Variants in POLN observed in about 807,000 individuals in gnomAD.
The protein encoded by POLN is DNA polymerase nu, also known as DNA polymerase N.
In POLN, 108 loss-of-function variants were observed where a neutral mutation model predicts 113.5. The observed-to-expected ratio is 0.95, with a 90% CI of 0.81 to 1.12. The LOEUF (loss-of-function observed/expected upper bound fraction) is 1.12. Ranked by LOEUF, POLN falls within the 50% of genes most tolerant of loss-of-function variation. The probability of loss-of-function intolerance (pLI) is 0.00; values close to 1 mark genes in which losing one functional copy is unlikely to be tolerated. For missense variants in POLN, 1,097 were observed against 1,077.1 expected (o/e 1.02, Z -0.26); for synonymous variants, 386 against 391.5 (o/e 0.99, Z 0.17).
chr4:2,124,155 C>G (rs1172348348), intron 19 of POLN, among the ~76,000 whole-genome samples: 2 of 152,046 alleles, frequency 1.3e-5, no homozygotes. Flanking sequence ...AATCTAGAGA[C>G]AGAAAGTAGA....
intron 16 of POLN, among the ~76,000 whole-genome samples, chr4:2,156,052 C>T (rs1732415251): frequency 6.6e-6 from 1 of 152,120 alleles, no homozygotes; most frequent in African/African-American, 2.4e-5. Context: ...CCAGGCTGGT[C>T]TTGAACTCCT....
At chr4:2,239,024 A>C (rs1251684109) in intron 2 of POLN, 5 of 1,534,006 alleles carry the variant, frequency 3.3e-6, no homozygotes, top group Non-Finnish European at 4.4e-6. Flanking sequence ...TTTAGCATCC[A>C]AATTTTCTTT....
At chr4:2,237,574 G>A (rs28385555) in intron 2 of POLN, among the ~76,000 whole-genome samples, 23,639 of 152,026 alleles carry the variant, frequency 0.16, 3,022 homozygotes, top group East Asian at 0.35. Flanking sequence ...AATTTGAAAC[G>A]GAAGACCTAG....
At chr4:2,156,964 A>C (rs1732450626) in intron 15 of POLN, 111 bp from the exon 16 acceptor site, 2 of 863,266 alleles carry the variant, frequency 2.3e-6, no homozygotes, top group Non-Finnish European at 3.8e-6. Context: ...TCCAGAGGCC[A>C]ACAAGCTGCT....
At chr4:2,103,166 C>T (rs1730969288) in intron 19 of POLN, among the ~76,000 whole-genome samples, 1 of 151,988 alleles carries the variant, frequency 6.6e-6, no homozygotes. Context: ...AAAATCAATA[C>T]AAAGAACTCA....
chr4:2,136,820 G>A (rs1731869367), intron 16 of POLN, among the ~76,000 whole-genome samples: 1 of 152,246 alleles, frequency 6.6e-6, no homozygotes, highest in African/African-American at 2.4e-5. Context: ...ATAAGGAAAA[G>A]GTGATGGCAG....
At chr4:2,162,685 G>A (rs1225773045) in intron 13 of POLN, among the ~76,000 whole-genome samples, 1 of 152,048 alleles carries the variant, frequency 6.6e-6, no homozygotes, top group African/African-American at 2.4e-5. Context: ...TTGAACTCCT[G>A]GACTCAAGCA....
At position 2,242,074 on chromosome 4, in the gene POLN, C is replaced by T. The variant is rs1335648824; in HGVS notation, c.-307G>A. 3.0e-6 allele frequency: 3 copies of T among 985,652 alleles called. No homozygotes were observed. Among genetic ancestry groups the T allele is most frequent in the Admixed American group, 6.1e-5 (1 of 16,272 alleles). The allele number at this position is 985,652 out of a possible 1,614,324, so 61.1% of individuals were successfully genotyped here. ...ACCTCAGGAAGTTCCGCTTGCTTCT[C>T]GCAGGAGCCCGCCGCCACCGCCCTC... On this transcript the variant is annotated 5_prime_UTR_variant, in exon 1 of 26. Coordinates refer to ENST00000511885, the MANE Select transcript of POLN (RefSeq NM_181808.4).
intron 18 of POLN, 104 bp downstream of exon 18, chr4:2,129,075 A>AAAG: frequency 1.2e-6 from 1 of 802,614 alleles, no homozygotes; most frequent in Non-Finnish European, 1.9e-6. Flanking sequence ...AAAAAAAAAA[A>AAAG]AGAATTTATT....
At chr4:2,225,205 G>C (rs946871477) in intron 3 of POLN, among the ~76,000 whole-genome samples, 2 of 151,646 alleles carry the variant, frequency 1.3e-5, no homozygotes, top group African/African-American at 4.8e-5. Flanking sequence ...TAAGGGAGAG[G>C]GTTCGACAAG....
intron 13 of POLN, among the ~76,000 whole-genome samples, chr4:2,168,894 C>T (rs1011295056): frequency 6.6e-6 from 1 of 152,232 alleles, no homozygotes; most frequent in African/African-American, 2.4e-5. Context: ...ATCTGCACAA[C>T]CTACATTCTA....
intron 13 of POLN, among the ~76,000 whole-genome samples, chr4:2,159,824 T>G (rs963692809): frequency 6.6e-6 from 1 of 152,216 alleles, no homozygotes; most frequent in Non-Finnish European, 1.5e-5. Flanking sequence ...TGAAGCAGTA[T>G]TTCATTTATT....
At position 2,102,535 on chromosome 4, in the gene POLN, C is replaced by T. The variant is rs537107823; in HGVS notation, c.1983-6602G>A. ...AAACCATCCTGGCTGCCCAGGAGCTCGAGAGCCCACTCACCCAACCAGGAC... is the reference window on the plus strand; with the variant it reads ...AAACCATCCTGGCTGCCCAGGAGCTTGAGAGCCCACTCACCCAACCAGGAC... On this transcript the variant is annotated intron_variant, in intron 19 of 25. Transcript: ENST00000511885. Among the ~76,000 whole-genome samples, 5 of 152,162 alleles carry T rather than the reference C, an allele frequency of 3.3e-5. No homozygotes were observed. In the East Asian group the frequency reaches 5.8e-4, roughly 18 times the overall value.
At chr4:2,239,002 CA>C in intron 2 of POLN, 1 of 1,554,026 alleles carries the variant, frequency 6.4e-7, no homozygotes. Flanking sequence ...TCTCACTGGT[CA>C]AGCTAGAAAT....
chr4:2,085,838 G>T, intron 20 of POLN, 94 bp from the exon 21 acceptor site: 1 of 1,537,014 alleles, frequency 6.5e-7, no homozygotes, highest in Non-Finnish European at 8.8e-7. Context: ...GGCAGCACTG[G>T]TCTTTTCTGA....
Position 2,081,222 on chromosome 4 carries a change from G to A in POLN, c.2309-186C>T, listed in dbSNP as rs1577679564. The A allele has an allele frequency of 2.6e-6, 4 of 1,538,888 alleles. No homozygotes were observed. The East Asian group carries it at 7.2e-5, about 28-fold the overall frequency. On this transcript the variant is annotated intron_variant, in intron 22 of 25. Transcript: ENST00000511885. ...TCGTCCTTGCTCCTCCCGCCCTCTTGCTCCTGCAGGGCACCTGGGTTTTGG... is the reference window on the plus strand; with the variant it reads ...TCGTCCTTGCTCCTCCCGCCCTCTTACTCCTGCAGGGCACCTGGGTTTTGG...
chr4:2,190,654 A>G (rs1342714361), intron 7 of POLN, among the ~76,000 whole-genome samples: 2 of 152,226 alleles, frequency 1.3e-5, no homozygotes, highest in African/African-American at 4.8e-5. Context: ...CAACCAGGAT[A>G]TAAAAGGAAC....
intron 3 of POLN, among the ~76,000 whole-genome samples, chr4:2,224,093 CA>C (rs999713934): frequency 5.2e-4 from 79 of 152,228 alleles, no homozygotes; most frequent in African/African-American, 1.9e-3. Flanking sequence ...TACAGCTGAA[CA>C]AAAATATTTT....
chr4:2,223,390 T>C (rs550334996), intron 3 of POLN, among the ~76,000 whole-genome samples: 37 of 152,242 alleles, frequency 2.4e-4, no homozygotes, highest in Middle Eastern at 3.4e-3. Context: ...TAGATTCTCA[T>C]AGGAGCAAGA....
Sources: gnomAD v4.1 joint callset for allele counts (sites outside exome capture counted in the v4.1 genomes callset) on GRCh38, gnomAD v4.1.1 for gene constraint, MANE v1.5 for transcripts, NCBI Gene and HGNC (gene_info 2026-07-23, HGNC 2026-07-21) for gene names.